Variants in ITPR2 observed in about 807,000 individuals in gnomAD.
The protein encoded by ITPR2 is inositol 1,4,5-trisphosphate-gated calcium channel ITPR2.
Under a neutral mutation model 317.1 loss-of-function variants are expected in ITPR2, and 207 were observed. The ratio of observed to expected loss-of-function variants is 0.65; its 90% CI spans 0.58 to 0.73. ITPR2 has a LOEUF of 0.73. Among genes scored for constraint, ITPR2 ranks in the 30% least tolerant of loss-of-function variants. ITPR2 has a pLI of 0.00. For missense variants in ITPR2, 2,613 were observed against 3,284.0 expected (o/e 0.80, Z 4.99); for synonymous variants, 1,156 against 1,149.1 (o/e 1.01, Z -0.12).
At chr12:26,411,773 G>GCAGT (rs1257998341) in intron 51 of ITPR2, among the ~76,000 whole-genome samples, 2 of 152,278 alleles carry the variant, frequency 1.3e-5, no homozygotes, top group Admixed American at 6.5e-5. Context: ...AGTGCAGTTG[G>GCAGT]CAGTCCCTGA....
chr12:26,506,221 A>T (rs951965300), intron 37 of ITPR2, among the ~76,000 whole-genome samples: 17 of 152,066 alleles, frequency 1.1e-4, no homozygotes, highest in African/African-American at 3.1e-4. Flanking sequence ...TAAAAAAAAA[A>T]AAATTAGCCT....
chr12:26,596,754 T>A, intron 31 of ITPR2, 129 bp downstream of exon 31: 1 of 685,424 alleles, frequency 1.5e-6, no homozygotes, highest in South Asian at 4.2e-5. Flanking sequence ...ATTATATAGT[T>A]AAATACAATT....
At position 26,429,981 on chromosome 12, in the gene ITPR2, G is replaced by A. The variant is rs191192448; in HGVS notation, c.6770-1893C>T. On this transcript the variant is annotated intron_variant, in intron 48 of 56. Transcript: ENST00000381340. ...TTCACCTCTTCACTATTCTTTCCAA[G>A]ACCATATCTGGTTTGCTGAGATATC... Among the ~76,000 whole-genome samples the A allele has an allele frequency of 2.5e-3, 379 of 152,260 alleles. 1 individual carries two copies. The highest frequency in any genetic ancestry group is 5.0e-3 in the Admixed American group (77 of 15,292).
At chr12:26,467,862 C>T (rs7974942) in intron 45 of ITPR2, among the ~76,000 whole-genome samples, 123,674 of 152,050 alleles carry the variant, frequency 0.81, 51,322 homozygotes, top group Non-Finnish European at 0.9. Context: ...GTGAAAGACA[C>T]GTAAGTGCCT....
At chr12:26,663,458 C>T (rs1947548085) in intron 15 of ITPR2, among the ~76,000 whole-genome samples, 1 of 152,198 alleles carries the variant, frequency 6.6e-6, no homozygotes, top group Non-Finnish European at 1.5e-5. Flanking sequence ...CATATTAGTA[C>T]TCAGGACATC....
At chr12:26,672,140 A>G (rs1947790077) in intron 13 of ITPR2, among the ~76,000 whole-genome samples, 1 of 152,192 alleles carries the variant, frequency 6.6e-6, no homozygotes, top group African/African-American at 2.4e-5. Context: ...AGACAGATCA[A>G]TGACACAGAA....
intron 2 of ITPR2, among the ~76,000 whole-genome samples, chr12:26,755,306 G>A (rs1949500470): frequency 6.6e-6 from 1 of 152,150 alleles, no homozygotes; most frequent in Non-Finnish European, 1.5e-5. Flanking sequence ...TCTAGCAGGT[G>A]TTCTTGAATG....
intron 48 of ITPR2, among the ~76,000 whole-genome samples, chr12:26,430,455 G>C (rs1334605756): frequency 6.6e-6 from 1 of 152,156 alleles, no homozygotes; most frequent in Non-Finnish European, 1.5e-5. Flanking sequence ...GTAGAGTCTA[G>C]GTTTCACCCT....
chr12:26,560,110 T>C (rs1944772743), intron 35 of ITPR2, among the ~76,000 whole-genome samples: 1 of 152,178 alleles, frequency 6.6e-6, no homozygotes, highest in Non-Finnish European at 1.5e-5. Context: ...ATCAATCTAT[T>C]AAAAGAAGTT....
At chr12:26,396,351 C>T (rs1394394493) in intron 54 of ITPR2, among the ~76,000 whole-genome samples, 1 of 152,178 alleles carries the variant, frequency 6.6e-6, no homozygotes, top group Admixed American at 6.5e-5. Flanking sequence ...ATCCACTCTA[C>T]CTAAATTCAC....
chr12:26,550,312 G>A lies in ITPR2; in HGVS notation c.5008C>T (p.Leu1670=), dbSNP rs917469140. 1 of 1,540,760 alleles carries A rather than the reference G, an allele frequency of 6.5e-7. No individual in the cohort carries two copies. Among genetic ancestry groups the A allele is most frequent in the Non-Finnish European group, 8.9e-7 (1 of 1,120,692 alleles). Residue 1670 remains leucine, a synonymous_variant, in exon 37 of 57, where the codon CTG becomes TTG. Coordinates refer to ENST00000381340, the MANE Select transcript of ITPR2 (RefSeq NM_002223.4). ...TKKLMEKEEK[L]CIKILQTLRE... ...AATGTCTGAAGAATTTTAATGCACA[G>A]TTTTTCTTCTTTCTCCATTAGTTTC...
intron 1 of ITPR2, among the ~76,000 whole-genome samples, chr12:26,821,130 A>C (rs1164728621): frequency 1.3e-5 from 2 of 152,218 alleles, no homozygotes; most frequent in East Asian, 1.9e-4. Context: ...TCAAAATGAT[A>C]AATTTTATGT....
intron 4 of ITPR2, among the ~76,000 whole-genome samples, 172 bp from the exon 5 acceptor site, chr12:26,722,727 T>G (rs1948858106): frequency 6.6e-6 from 1 of 152,130 alleles, no homozygotes; most frequent in Admixed American, 6.6e-5. Flanking sequence ...TGACTTTCTT[T>G]GGGTTCTTCC....
At chr12:26,481,735 G>C (rs935955369) in intron 42 of ITPR2, among the ~76,000 whole-genome samples, 1 of 152,176 alleles carries the variant, frequency 6.6e-6, no homozygotes, top group African/African-American at 2.4e-5. Context: ...CTGATGACAA[G>C]AGATGCTGCT....
chr12:26,455,322 T>A (rs180962869), intron 45 of ITPR2, among the ~76,000 whole-genome samples: 200 of 140,124 alleles, frequency 1.4e-3, no homozygotes, highest in Admixed American at 2.9e-3. Context: ...TCTCTCTGTT[T>A]AACTGTCTAA....
At position 26,485,290 on chromosome 12, in the gene ITPR2, C is replaced by T. The variant is rs116699661; in HGVS notation, c.5811+814G>A. On this transcript the variant is annotated intron_variant, in intron 41 of 56. Coordinates refer to ENST00000381340, the MANE Select transcript of ITPR2 (RefSeq NM_002223.4). ...TTTGAATTTATATCTACCATTTATTCTTCTTAAGACAACTTTAAAAGTAGT... is the reference window on the plus strand; with the variant it reads ...TTTGAATTTATATCTACCATTTATTTTTCTTAAGACAACTTTAAAAGTAGT... Among the ~76,000 whole-genome samples, 525 of 152,158 alleles carry T rather than the reference C, an allele frequency of 3.5e-3. 4 individuals are homozygous for T. Among genetic ancestry groups the T allele is most frequent in the African/African-American group, 0.012 (505 of 41,504 alleles).
chr12:26,566,495 G>A (rs1944991028), intron 34 of ITPR2, among the ~76,000 whole-genome samples: 1 of 141,810 alleles, frequency 7.1e-6, no homozygotes, highest in South Asian at 2.4e-4. Context: ...AGGGAGAGGA[G>A]GGAGAGGAGG....
chr12:26,722,963 C>T (rs549175954), intron 4 of ITPR2, among the ~76,000 whole-genome samples: 9 of 152,212 alleles, frequency 5.9e-5, no homozygotes, highest in African/African-American at 2.2e-4. Context: ...ATGCACCAAC[C>T]CACTTACTAT....
chr12:26,631,791 G>A, intron 22 of ITPR2, 75 bp downstream of exon 22: 2 of 1,304,686 alleles, frequency 1.5e-6, no homozygotes, highest in Admixed American at 1.8e-5. Flanking sequence ...CAGTGATTTG[G>A]AACAAAAAGG....
Sources: allele counts gnomAD v4.1 joint callset (sites outside exome capture counted in the v4.1 genomes callset), GRCh38; gene constraint gnomAD v4.1.1; transcripts MANE v1.5; gene names NCBI Gene and HGNC (gene_info 2026-07-23, HGNC 2026-07-21).